LAMB4: variants seen among roughly 807,000 people sequenced by gnomAD.
LAMB4 encodes the protein laminin subunit beta 4, also known as laminin subunit beta-4.
Under a neutral mutation model 199.2 loss-of-function variants are expected in LAMB4, and 196 were observed. The observed-to-expected ratio is 0.98, with a 90% CI of 0.88 to 1.11. The LOEUF is 1.11. Ranked by LOEUF, LAMB4 falls within the 50% of genes least tolerant of loss-of-function variation. The pLI is 0.00. For missense variants in LAMB4, 2,080 were observed against 2,171.2 expected (o/e 0.96, Z 0.83); for synonymous variants, 744 against 770.6 (o/e 0.97, Z 0.57).
intron 2 of LAMB4, among the ~76,000 whole-genome samples, chr7:108,121,389 A>G (rs1470567524): frequency 2.0e-5 from 3 of 152,230 alleles, no homozygotes; most frequent in East Asian, 3.8e-4. Context: ...TAGAGTTCAC[A>G]TCAGAGCTTT....
intron 17 of LAMB4, among the ~76,000 whole-genome samples, chr7:108,071,468 G>A (rs2036533785): frequency 6.6e-6 from 1 of 152,084 alleles, no homozygotes; most frequent in Non-Finnish European, 1.5e-5. Flanking sequence ...CTCCAGATCT[G>A]CACTGATATC....
In LAMB4 at chr7:108,091,620, A is replaced by G; in HGVS notation, c.1701+6T>C. 6.2e-7 allele frequency: 1 copy of G among 1,611,846 alleles called. No homozygotes were observed. Among genetic ancestry groups the G allele is most frequent in the Non-Finnish European group, 8.5e-7 (1 of 1,179,148 alleles). On this transcript the variant is annotated splice_donor_region_variant and intron_variant, in intron 14 of 33. Transcript: ENST00000388781. ...AGTCTGTAGGGAAAGTAAATGAAAT[A>G]CGAACCAAAGGCGCCAGTCCTTGGA... is the stretch of plus-strand genomic sequence containing the variant.
intron 12 of LAMB4, 98 bp downstream of exon 12, chr7:108,095,130 A>G (rs1233958936): frequency 8.7e-6 from 7 of 808,190 alleles, no homozygotes; most frequent in Middle Eastern, 2.5e-4. Context: ...AAAACACAAT[A>G]GGACAAGAAA....
chr7:108,110,689 G>C (rs1174535050), intron 4 of LAMB4, among the ~76,000 whole-genome samples: 1 of 152,150 alleles, frequency 6.6e-6, no homozygotes, highest in Non-Finnish European at 1.5e-5. Context: ...TTTGTGAGGA[G>C]ATGTGGAACA....
chr7:108,043,194 C>G (rs147508868), intron 29 of LAMB4, among the ~76,000 whole-genome samples: 437 of 151,980 alleles, frequency 2.9e-3, no homozygotes, highest in African/African-American at 9.5e-3. Context: ...TGCCAACTCC[C>G]TATGATATTT....
At chr7:108,121,658 G>A (rs1408682317) in intron 2 of LAMB4, among the ~76,000 whole-genome samples, 2 of 151,902 alleles carry the variant, frequency 1.3e-5, no homozygotes, top group East Asian at 3.9e-4. Flanking sequence ...GCTGAGGCAG[G>A]AGAATTGCTT....
chr7:108,048,242 G>T (rs1202739546), intron 27 of LAMB4, 131 bp from the exon 28 acceptor site: 1 of 680,168 alleles, frequency 1.5e-6, no homozygotes, highest in Non-Finnish European at 2.4e-6. Context: ...TTGGCTCACT[G>T]CAACGTTCTC....
intron 4 of LAMB4, among the ~76,000 whole-genome samples, chr7:108,111,233 G>A (rs1421025914): frequency 1.3e-5 from 2 of 152,176 alleles, no homozygotes; most frequent in Admixed American, 6.5e-5. Flanking sequence ...CATTTATAGC[G>A]AGCATCTAGG....
intron 29 of LAMB4, among the ~76,000 whole-genome samples, chr7:108,041,421 T>C (rs1019524172): frequency 6.6e-6 from 1 of 152,228 alleles, no homozygotes; most frequent in Admixed American, 6.5e-5. Context: ...TTAGACATCA[T>C]TCTATCATAA....
Position 108,034,010 on chromosome 7 carries a change from A to G in LAMB4, c.4818+198T>C, listed in dbSNP as rs529239041. Among the ~76,000 whole-genome samples, 5 of 152,168 alleles carry G rather than the reference A, an allele frequency of 3.3e-5. No homozygotes were observed. In the South Asian group the frequency reaches 1.0e-3, roughly 32 times the overall value. On this transcript the variant is annotated intron_variant, in intron 31 of 33. Coordinates refer to ENST00000388781, the MANE Select transcript of LAMB4 (RefSeq NM_007356.3). ...GTACCTGCCTTGGTGCAACCCCAGA[A>G]TTGGTCGCAATTAATATGACGGTGA... is the stretch of plus-strand genomic sequence containing the variant.
intron 29 of LAMB4, among the ~76,000 whole-genome samples, chr7:108,040,880 C>T (rs554853164): frequency 2.2e-4 from 33 of 152,232 alleles, no homozygotes; most frequent in African/African-American, 6.0e-4. Flanking sequence ...ACACCACAAG[C>T]GACTACAACA....
chr7:108,068,281 T>C, intron 18 of LAMB4, 122 bp from the exon 19 acceptor site: 1 of 925,860 alleles, frequency 1.1e-6, no homozygotes, highest in Non-Finnish European at 1.6e-6. Flanking sequence ...AACTCCCTCA[T>C]CTGTTAAATA....
At chr7:108,051,876 A>G (rs2035837854) in intron 26 of LAMB4, among the ~76,000 whole-genome samples, 2 of 152,204 alleles carry the variant, frequency 1.3e-5, no homozygotes, top group African/African-American at 4.8e-5. Flanking sequence ...TTAATATCAG[A>G]CATTGTTTAC....
chr7:108,099,282 A>G (rs448342), intron 10 of LAMB4, among the ~76,000 whole-genome samples: 52,767 of 152,070 alleles, frequency 0.35, 9,629 homozygotes, highest in Non-Finnish European at 0.4. Context: ...ACTTGCAGCA[A>G]AGGAGCCACA....
At chr7:108,050,830 T>C (rs2035805125) in intron 26 of LAMB4, among the ~76,000 whole-genome samples, 1 of 152,226 alleles carries the variant, frequency 6.6e-6, no homozygotes, top group African/African-American at 2.4e-5. Context: ...ACCTATTCCC[T>C]GAAGACTTTA....
At chr7:108,067,786 A>G (rs1054817881) in intron 19 of LAMB4, among the ~76,000 whole-genome samples, 7 of 152,122 alleles carry the variant, frequency 4.6e-5, no homozygotes, top group African/African-American at 1.4e-4. Flanking sequence ...TGCCTTGTTC[A>G]TTACTCTCGG....
In LAMB4 at chr7:108,063,766, CAGGTCTGATTG is replaced by C. The variant is rs1426797306; in HGVS notation, c.3045_3055del (p.Asn1016GlnfsTer25). On this transcript the variant is annotated frameshift_variant, in exon 22 of 34. Coordinates refer to ENST00000388781, the MANE Select transcript of LAMB4 (RefSeq NM_007356.3). LOFTEE classifies it high-confidence loss of function. ...TGGGAGTTTTGCAGACTTACTTCTG[CAGGTCTGATTG>C]AGGGCTGATCCATAGTGACCTGGTT... 6.2e-7 allele frequency: 1 copy of C among 1,613,570 alleles called. No individual in the cohort carries two copies. Among genetic ancestry groups the C allele is most frequent in the South Asian group, 1.1e-5 (1 of 91,074 alleles).
Position 108,062,988 on chromosome 7 carries a change from G to T in LAMB4, c.3068C>A (p.Ser1023Tyr), listed in dbSNP as rs758453964. Reference sequence around the variant, plus strand: ...GGGACTCACGCCGGAAGCATGGCAGGAGCATCCTGTGATGACAAAACCATC... The same window carrying T: ...GGGACTCACGCCGGAAGCATGGCAGTAGCATCCTGTGATGACAAAACCATC... ...SALNQTCRRCSCHASGVSPME... is the reference protein window; with the variant it reads ...SALNQTCRRCYCHASGVSPME... Residue 1023 changes from serine to tyrosine, a missense_variant, in exon 23 of 34, where the codon TCC becomes TAC. Transcript: ENST00000388781. The T allele has an allele frequency of 1.9e-6, 3 of 1,566,012 alleles. No homozygotes were observed. The South Asian group carries it at 3.6e-5, about 19-fold the overall frequency.
rs866550222 is a variant in LAMB4 at position 108,025,440 on chromosome 7, T to G, written c.5147-1262A>C. Among the ~76,000 whole-genome samples, 7 of 122,018 alleles carry G rather than the reference T, an allele frequency of 5.7e-5. No homozygotes were observed. In the South Asian group the frequency reaches 1.1e-3, roughly 20 times the overall value. 80.0% of individuals were successfully genotyped at this position (122,018 alleles called of 152,430 possible). On this transcript the variant is annotated intron_variant, in intron 33 of 33. Coordinates refer to ENST00000388781, the MANE Select transcript of LAMB4 (RefSeq NM_007356.3). ...TTCTTCTTTCTTTCTTTCTTTTTTT[T>G]TTTTTGAGACAGAGTTTTGCTCTTG...
Sources: gnomAD v4.1 joint callset for allele counts (sites outside exome capture counted in the v4.1 genomes callset) on GRCh38, gnomAD v4.1.1 for gene constraint, MANE v1.5 for transcripts, NCBI Gene and HGNC (gene_info 2026-07-23, HGNC 2026-07-21) for gene names.